Variants in NME7 observed in about 807,000 individuals in gnomAD.
NME7 encodes the protein nucleoside diphosphate kinase 7.
A neutral mutation model predicts 49.1 loss-of-function variants in NME7; 41 were observed. The observed-to-expected ratio is 0.83, with a 90% CI of 0.65 to 1.08. NME7 has a LOEUF of 1.08. Among genes scored for constraint, NME7 ranks in the 50% least tolerant of loss-of-function variants. The probability of loss-of-function intolerance (pLI) is 0.00; values close to 1 mark genes in which losing one functional copy is unlikely to be tolerated. For missense variants in NME7, 423 were observed against 463.4 expected, an observed-to-expected ratio of 0.91 and a Z score of 0.80; for synonymous variants, 139 against 150.6, an observed-to-expected ratio of 0.92 and a Z score of 0.56.
intron 10 of NME7, among the ~76,000 whole-genome samples, chr1:169,191,480 T>A (rs1051001514): frequency 1.3e-4 from 20 of 152,184 alleles, no homozygotes; most frequent in Non-Finnish European, 2.8e-4. Flanking sequence ...GGGAAAACCA[T>A]CTGCTCCGCA....
chr1:169,362,375 TA>T (rs930804322), intron 1 of NME7, among the ~76,000 whole-genome samples: 1 of 152,214 alleles, frequency 6.6e-6, no homozygotes, highest in African/African-American at 2.4e-5. Flanking sequence ...AGAAGATACA[TA>T]ATATTAATAT....
intron 10 of NME7, among the ~76,000 whole-genome samples, chr1:169,195,692 A>T (rs773983808): frequency 2.0e-5 from 3 of 152,200 alleles, no homozygotes; most frequent in Non-Finnish European, 2.9e-5. Flanking sequence ...TGAGATGTGT[A>T]TTTAAACAAT....
chr1:169,238,550 C>A (rs1647959390), intron 7 of NME7, among the ~76,000 whole-genome samples: 1 of 151,034 alleles, frequency 6.6e-6, no homozygotes, highest in South Asian at 2.1e-4. Context: ...TACCGAGTGA[C>A]CCTAAATCAC....
chr1:169,325,972 T>C (rs1652045012), intron 1 of NME7, among the ~76,000 whole-genome samples: 1 of 152,088 alleles, frequency 6.6e-6, no homozygotes, highest in East Asian at 1.9e-4. Context: ...CTGTGCATTC[T>C]AGTATTGTAC....
chr1:169,365,987 T>C (rs902988383), intron 1 of NME7, among the ~76,000 whole-genome samples: 11 of 152,148 alleles, frequency 7.2e-5, no homozygotes, highest in African/African-American at 2.2e-4. Flanking sequence ...TCATATTAAG[T>C]TTGAAGGACA....
intron 7 of NME7, among the ~76,000 whole-genome samples, chr1:169,256,325 C>T (rs1326865615): frequency 7.5e-6 from 1 of 134,098 alleles, no homozygotes; most frequent in Admixed American, 7.3e-5. Flanking sequence ...CATCTTCCAT[C>T]ACTGAAACCC....
At chr1:169,190,293 G>A (rs987058142) in intron 10 of NME7, among the ~76,000 whole-genome samples, 10 of 151,784 alleles carry the variant, frequency 6.6e-5, no homozygotes, top group Non-Finnish European at 1.3e-4. Context: ...TATATTTAAT[G>A]ATATTAGAGA....
rs1660151735 is a variant in NME7 at position 169,189,235 on chromosome 1, CTT to C, written c.991-19683_991-19682del. Among the ~76,000 whole-genome samples the C allele has an allele frequency of 1.3e-5, 2 of 152,040 alleles. 1 individual carries two copies. The highest frequency in any genetic ancestry group is 4.1e-4 in the South Asian group (2 of 4,824). The stretch of plus-strand genomic sequence containing the variant: ...AACTTTTACAAAAATGTAGAGTTAA[CTT>C]ATACATATTAACAGGTATTTTAACT... On this transcript the variant is annotated intron_variant, in intron 10 of 11. Transcript: ENST00000367811.
chr1:169,293,710 A>G (rs1650602176), intron 6 of NME7, among the ~76,000 whole-genome samples: 1 of 152,160 alleles, frequency 6.6e-6, no homozygotes, highest in African/African-American at 2.4e-5. Flanking sequence ...AGTTTGTTAA[A>G]CTTCATGAAA....
intron 6 of NME7, among the ~76,000 whole-genome samples, chr1:169,294,745 T>A: frequency 6.6e-6 from 1 of 152,308 alleles, no homozygotes; most frequent in Non-Finnish European, 1.5e-5. Flanking sequence ...CAGGAACTAA[T>A]GGCAGAAAGA....
intron 5 of NME7, among the ~76,000 whole-genome samples, chr1:169,299,836 A>G (rs1650870990): frequency 6.6e-6 from 1 of 152,160 alleles, no homozygotes. Context: ...TGCTGCCAAA[A>G]CAAACAAAAC....
At chr1:169,236,181 G>T (rs1647852554) in intron 8 of NME7, among the ~76,000 whole-genome samples, 1 of 152,106 alleles carries the variant, frequency 6.6e-6, no homozygotes, top group African/African-American at 2.4e-5. Flanking sequence ...ACTAATAGAA[G>T]ATATCATTTA....
rs549517468 is a variant in NME7 at position 169,236,823 on chromosome 1, T to A, written c.819+800A>T. On this transcript the variant is annotated intron_variant, in intron 8 of 11. Transcript: ENST00000367811. ...TCTTAAGACTTTAGAAAGCTGTTTC[T>A]TTTCAGAAAATAAAATACAAATAAT... Among the ~76,000 whole-genome samples the A allele has an allele frequency of 7.2e-5, 11 of 152,122 alleles. No individual in the cohort carries two copies. In the East Asian group the frequency reaches 2.1e-3, roughly 29 times the overall value.
intron 9 of NME7, among the ~76,000 whole-genome samples, chr1:169,232,021 G>A (rs1420100699): frequency 6.6e-6 from 1 of 151,992 alleles, no homozygotes; most frequent in African/African-American, 2.4e-5. Flanking sequence ...AATAGACCCA[G>A]CAATTAAATA....
At chr1:169,357,142 T>TATC in intron 1 of NME7, among the ~76,000 whole-genome samples, 1 of 150,096 alleles carries the variant, frequency 6.7e-6, no homozygotes, top group East Asian at 1.9e-4. Context: ...GAACTAGTAT[T>TATC]ATTATTATTA....
At chr1:169,353,800 T>A (rs1303907861) in intron 1 of NME7, among the ~76,000 whole-genome samples, 1 of 152,054 alleles carries the variant, frequency 6.6e-6, no homozygotes, top group Non-Finnish European at 1.5e-5. Context: ...ATATGAAAAG[T>A]TGCTCAATAT....
rs544772865 is a variant in NME7 at position 169,354,948 on chromosome 1, TTA to T, written c.3+12758_3+12759del. Among the ~76,000 whole-genome samples, 60 of 55,550 alleles carry T rather than the reference TTA, an allele frequency of 1.1e-3. 1 individual carries two copies. The highest frequency in any genetic ancestry group is 2.4e-3 in the African/African-American group (42 of 17,526). 36.4% of individuals were successfully genotyped at this position (55,550 alleles called of 152,430 possible). On this transcript the variant is annotated intron_variant, in intron 1 of 11. Transcript: ENST00000367811. ...TAATATATCTATTATGTATTATATA[TTA>T]TATATGTTTATATATAATATAATTA...
chr1:169,312,364 C>G (rs945348406), intron 3 of NME7, among the ~76,000 whole-genome samples: 1 of 152,184 alleles, frequency 6.6e-6, no homozygotes, highest in African/African-American at 2.4e-5. Context: ...TGGTCAAGCT[C>G]AGAGTCACTG....
At chr1:169,240,522 T>C (rs1017956661) in intron 7 of NME7, among the ~76,000 whole-genome samples, 6 of 152,164 alleles carry the variant, frequency 3.9e-5, no homozygotes, top group African/African-American at 1.4e-4. Flanking sequence ...TAAAAGTTTG[T>C]TGCAATGTAT....
Sources: allele counts gnomAD v4.1 joint callset (sites outside exome capture counted in the v4.1 genomes callset), GRCh38; gene constraint gnomAD v4.1.1; transcripts MANE v1.5; gene names NCBI Gene and HGNC (gene_info 2026-07-23, HGNC 2026-07-21).